Variants in FOXP2 observed in about 807,000 individuals in gnomAD.
The protein encoded by FOXP2 is forkhead box protein P2.
In FOXP2, 12 loss-of-function variants were observed where a neutral mutation model predicts 115.8. The ratio of observed to expected loss-of-function variants is 0.10; its 90% CI spans 0.07 to 0.17. FOXP2 has a LOEUF of 0.17. Among genes scored for constraint, FOXP2 ranks in the 10% least tolerant of loss-of-function variants. The probability of loss-of-function intolerance (pLI) is 1.00; values close to 1 mark genes in which losing one functional copy is unlikely to be tolerated. For missense variants in FOXP2, 629 were observed against 843.5 expected (o/e 0.75, Z 3.15); for synonymous variants, 328 against 297.7 (o/e 1.10, Z -1.05).
chr7:114,585,453 A>G (rs1802085583), intron 3 of FOXP2, among the ~76,000 whole-genome samples: 1 of 152,116 alleles, frequency 6.6e-6, no homozygotes, highest in Admixed American at 6.6e-5. Context: ...TTAGAAATGT[A>G]GAATCTCAGT....
intron 2 of FOXP2, among the ~76,000 whole-genome samples, chr7:114,437,951 CTT>C (rs1477389661): frequency 6.6e-6 from 1 of 151,996 alleles, no homozygotes; most frequent in African/African-American, 2.4e-5. Flanking sequence ...ATTATGAAGA[CTT>C]AGTACAAAAG....
In FOXP2 at chr7:114,450,528, T is replaced by G. The variant is rs185714195; in HGVS notation, c.168+23849T>G. Among the ~76,000 whole-genome samples the G allele has an allele frequency of 9.9e-5, 15 of 152,236 alleles. No homozygotes were observed. In the East Asian group the frequency reaches 2.7e-3, roughly 27 times the overall value. Reference sequence around the variant, plus strand: ...CATTGTGGTATTCTTTAGAAATTTTTTATTAATCTCTAAAAATGACAGGTG... The same window carrying G: ...CATTGTGGTATTCTTTAGAAATTTTGTATTAATCTCTAAAAATGACAGGTG... On this transcript the variant is annotated intron_variant, in intron 2 of 16. Transcript: ENST00000350908.
intron 2 of FOXP2, among the ~76,000 whole-genome samples, chr7:114,458,174 A>G (rs1270731563): frequency 2.0e-5 from 3 of 152,190 alleles, no homozygotes; most frequent in Non-Finnish European, 4.4e-5. Context: ...CTTATCTGTG[A>G]CATGTGACTT....
chr7:114,510,845 C>G (rs977082039), intron 2 of FOXP2, among the ~76,000 whole-genome samples: 2 of 152,248 alleles, frequency 1.3e-5, no homozygotes, highest in East Asian at 3.9e-4. Context: ...ACCCAGCAAT[C>G]CCATTACTGG....
At chr7:114,143,230 G>A (rs1299245255) in intron 1 of FOXP2, among the ~76,000 whole-genome samples, 1 of 151,338 alleles carries the variant, frequency 6.6e-6, no homozygotes, top group Non-Finnish European at 1.5e-5. Context: ...GTGTCCCACA[G>A]TATCTCCGAA....
chr7:114,501,512 C>T (rs1025107182), intron 2 of FOXP2, among the ~76,000 whole-genome samples: 13 of 152,044 alleles, frequency 8.6e-5, no homozygotes, highest in Non-Finnish European at 1.6e-4. Flanking sequence ...ATAACTGTAT[C>T]TTCTTCAGCT....
At chr7:114,382,806 G>A (rs539004553) in intron 2 of FOXP2, among the ~76,000 whole-genome samples, 10 of 152,276 alleles carry the variant, frequency 6.6e-5, no homozygotes, top group African/African-American at 1.9e-4. Flanking sequence ...ACAGGGAGGT[G>A]TGCTTCCTTA....
intron 2 of FOXP2, among the ~76,000 whole-genome samples, chr7:114,340,114 T>C (rs902879593): frequency 2.6e-5 from 4 of 151,234 alleles, no homozygotes; most frequent in African/African-American, 9.7e-5. Context: ...CCCAATAATT[T>C]AATTAAGGAA....
intron 6 of FOXP2, among the ~76,000 whole-genome samples, chr7:114,633,402 T>C (rs984940259): frequency 6.6e-6 from 1 of 152,114 alleles, no homozygotes; most frequent in African/African-American, 2.4e-5. Flanking sequence ...ATAAGATATA[T>C]GAGAGATAAA....
chr7:114,147,293 C>T (rs2129148175), intron 1 of FOXP2, among the ~76,000 whole-genome samples: 1 of 152,164 alleles, frequency 6.6e-6, no homozygotes, highest in African/African-American at 2.4e-5. Flanking sequence ...ATGTTGATAA[C>T]AGTTACTTTT....
intron 10 of FOXP2, 67 bp downstream of exon 10, chr7:114,654,076 A>G: frequency 6.2e-7 from 1 of 1,610,560 alleles, no homozygotes; most frequent in East Asian, 2.2e-5. Flanking sequence ...AAAATGAACA[A>G]TTTAGTGACA....
intron 1 of FOXP2, among the ~76,000 whole-genome samples, chr7:114,251,064 C>T (rs933462863): frequency 1.3e-5 from 2 of 152,156 alleles, no homozygotes; most frequent in African/African-American, 2.4e-5. Flanking sequence ...ATCGTTTCCC[C>T]ATTTCTTGCT....
chr7:114,342,920 A>G (rs1791251292), intron 2 of FOXP2, among the ~76,000 whole-genome samples: 1 of 151,650 alleles, frequency 6.6e-6, no homozygotes, highest in African/African-American at 2.4e-5. Context: ...CACACTCTTT[A>G]GAGAAGAAAT....
chr7:114,384,838 G>A (rs752355439), intron 2 of FOXP2, among the ~76,000 whole-genome samples: 12 of 151,614 alleles, frequency 7.9e-5, no homozygotes, highest in Admixed American at 2.6e-4. Flanking sequence ...AGCAGTTGTC[G>A]CTACCGACTG....
rs1378829324 is a variant in FOXP2, at chr7:114,631,589, A to G, written c.659A>G (p.Gln220Arg). Residue 220 changes from glutamine to arginine, a missense_variant, in exon 6 of 17, where the codon CAG becomes CGG. By Grantham distance (43) the Gln-to-Arg change is conservative. Transcript: ENST00000350908. ...LAAQQLVFQQQLLQMQQLQQQ... is the reference protein window; with the variant it reads ...LAAQQLVFQQRLLQMQQLQQQ... ...GCCCAGCAGCTTGTCTTCCAGCAGC[A>G]GCTTCTCCAGATGCAACAACTCCAG... 8 of 1,609,250 alleles carry G rather than the reference A, an allele frequency of 5.0e-6. No individual in the cohort carries two copies. The highest frequency in any genetic ancestry group is 5.9e-6 in the Non-Finnish European group (7 of 1,177,676).
intron 1 of FOXP2, among the ~76,000 whole-genome samples, chr7:114,177,151 C>T (rs940447372): frequency 2.0e-5 from 3 of 152,224 alleles, no homozygotes; most frequent in East Asian, 3.9e-4. Flanking sequence ...TAATACTGCT[C>T]TGAAGATTAT....
chr7:114,517,850 G>T (rs766332905), intron 2 of FOXP2, among the ~76,000 whole-genome samples: 53 of 151,292 alleles, frequency 3.5e-4, no homozygotes, highest in Non-Finnish European at 7.1e-4. Flanking sequence ...TTTTTTTTTC[G>T]ATTTCCGTGA....
chr7:114,530,105 C>T (rs929876782), intron 2 of FOXP2, among the ~76,000 whole-genome samples: 1 of 151,774 alleles, frequency 6.6e-6, no homozygotes, highest in African/African-American at 2.4e-5. Flanking sequence ...AGTATACACC[C>T]CTTGTCAGTA....
At chr7:114,393,614 C>T (rs148051485) in intron 2 of FOXP2, among the ~76,000 whole-genome samples, 1,601 of 151,776 alleles carry the variant, frequency 0.011, 21 homozygotes, top group Admixed American at 0.019. Flanking sequence ...AAGGACATAT[C>T]TCCAGAAGGG....
Sources: allele counts gnomAD v4.1 joint callset (sites outside exome capture counted in the v4.1 genomes callset), GRCh38; gene constraint gnomAD v4.1.1; transcripts MANE v1.5; gene names NCBI Gene and HGNC (gene_info 2026-07-23, HGNC 2026-07-21).